Variants in TRDN observed in about 807,000 individuals in gnomAD.
The protein encoded by TRDN is triadin in skeletal muscle.
A neutral mutation model predicts 149.7 loss-of-function variants in TRDN; 161 were observed. The ratio of observed to expected loss-of-function variants is 1.08; its 90% CI spans 0.95 to 1.23. The LOEUF (loss-of-function observed/expected upper bound fraction) is 1.23. Ranked by LOEUF, TRDN falls within the 50% of genes most tolerant of loss-of-function variation. The pLI is 0.00. For synonymous variants in TRDN, 294 were observed against 250.5 expected, an observed-to-expected ratio of 1.17 and a Z score of -1.64; for missense variants, 896 against 823.5, an observed-to-expected ratio of 1.09 and a Z score of -1.08.
chr6:123,298,676 G>T (rs182051928), intron 24 of TRDN, among the ~76,000 whole-genome samples: 4 of 152,006 alleles, frequency 2.6e-5, no homozygotes, highest in South Asian at 4.1e-4. Flanking sequence ...ATATAAAATG[G>T]GGAATTTATT....
intron 1 of TRDN, among the ~76,000 whole-genome samples, chr6:123,625,650 C>T (rs1583343495): frequency 6.6e-6 from 1 of 152,070 alleles, no homozygotes. Flanking sequence ...GTCATGGATA[C>T]CCCGCTTATC....
At chr6:123,227,852 C>T (rs6940177) in intron 38 of TRDN, among the ~76,000 whole-genome samples, 8,084 of 151,892 alleles carry the variant, frequency 0.053, 639 homozygotes, top group African/African-American at 0.19. Context: ...GACTTTTATA[C>T]TGAATCTACT....
At chr6:123,528,144 T>A (rs7751763) in intron 5 of TRDN, among the ~76,000 whole-genome samples, 3 of 151,778 alleles carry the variant, frequency 2.0e-5, no homozygotes, top group Non-Finnish European at 4.4e-5. Context: ...TATAAAAGTA[T>A]CTAATTTCTT....
chr6:123,628,308 C>T (rs769562793), intron 1 of TRDN, among the ~76,000 whole-genome samples: 19 of 151,762 alleles, frequency 1.3e-4, no homozygotes, highest in Non-Finnish European at 2.4e-4. Context: ...TGTTGTGTCT[C>T]GGGGAACAGA....
intron 1 of TRDN, among the ~76,000 whole-genome samples, chr6:123,572,384 G>A (rs980989909): frequency 3.9e-5 from 6 of 151,906 alleles, no homozygotes; most frequent in African/African-American, 7.3e-5. Flanking sequence ...TATACAGAAC[G>A]TACATCTAAC....
At chr6:123,305,116 G>C (rs1010964895) in intron 24 of TRDN, among the ~76,000 whole-genome samples, 1 of 152,170 alleles carries the variant, frequency 6.6e-6, no homozygotes, top group Middle Eastern at 3.4e-3. Context: ...AGGTGCCAAG[G>C]CTTCAATTAA....
At chr6:123,553,519 G>C (rs1472648477) in intron 2 of TRDN, among the ~76,000 whole-genome samples, 1 of 152,106 alleles carries the variant, frequency 6.6e-6, no homozygotes, top group Non-Finnish European at 1.5e-5. Context: ...CAAGCACAGT[G>C]TACGTAAACT....
chr6:123,583,017 C>T (rs751755303), intron 1 of TRDN, among the ~76,000 whole-genome samples: 15 of 151,982 alleles, frequency 9.9e-5, no homozygotes, highest in South Asian at 2.1e-4. Flanking sequence ...AAAAACTAAA[C>T]GGAATAAGAG....
At chr6:123,270,946 A>G (rs1428435424) in intron 30 of TRDN, among the ~76,000 whole-genome samples, 193 bp downstream of exon 30, 1 of 151,958 alleles carries the variant, frequency 6.6e-6, no homozygotes, top group South Asian at 2.1e-4. Context: ...TTATTTTTTA[A>G]CAAAAATTAT....
At chr6:123,595,348 C>G (rs1783982637) in intron 1 of TRDN, among the ~76,000 whole-genome samples, 1 of 152,068 alleles carries the variant, frequency 6.6e-6, no homozygotes, top group Non-Finnish European at 1.5e-5. Flanking sequence ...GCAGTCATAT[C>G]CTTCTCAGAC....
intron 4 of TRDN, among the ~76,000 whole-genome samples, chr6:123,531,720 T>C (rs769258222): frequency 2.0e-5 from 3 of 152,062 alleles, no homozygotes; most frequent in Non-Finnish European, 4.4e-5. Context: ...TAAGGAAATA[T>C]CTCCAAATGA....
At chr6:123,598,184 C>T (rs1784121645) in intron 1 of TRDN, among the ~76,000 whole-genome samples, 1 of 151,970 alleles carries the variant, frequency 6.6e-6, no homozygotes, top group Admixed American at 6.6e-5. Flanking sequence ...CAGGGACTGA[C>T]CCTCCCTTCT....
chr6:123,571,753 T>C (rs1013776878), intron 1 of TRDN, among the ~76,000 whole-genome samples: 4 of 152,162 alleles, frequency 2.6e-5, no homozygotes, highest in African/African-American at 7.2e-5. Context: ...ATATGGTTTA[T>C]CTGGTTTTGA....
intron 24 of TRDN, among the ~76,000 whole-genome samples, chr6:123,285,759 A>T (rs1562245723): frequency 6.6e-6 from 1 of 152,186 alleles, no homozygotes; most frequent in Admixed American, 6.5e-5. Context: ...CAACCTACAG[A>T]GTGGGAGAAA....
intron 12 of TRDN, among the ~76,000 whole-genome samples, chr6:123,396,565 A>T (rs1439084983): frequency 4.6e-5 from 7 of 152,218 alleles, no homozygotes; most frequent in African/African-American, 1.7e-4. Context: ...CCTAGATTAA[A>T]ATGTCAGCAT....
chr6:123,529,587 A>G (rs866829980), intron 5 of TRDN, among the ~76,000 whole-genome samples: 3 of 152,184 alleles, frequency 2.0e-5, no homozygotes, highest in Middle Eastern at 6.8e-3. Context: ...TTTAATTGAT[A>G]CTTTTATTAT....
intron 24 of TRDN, among the ~76,000 whole-genome samples, chr6:123,293,039 T>C (rs1269059560): frequency 6.6e-6 from 1 of 152,116 alleles, no homozygotes; most frequent in Non-Finnish European, 1.5e-5. Context: ...CCAGTATGGG[T>C]GGGAACATAA....
intron 21 of TRDN, among the ~76,000 whole-genome samples, chr6:123,339,995 A>G (rs1780008648): frequency 6.6e-6 from 1 of 152,200 alleles, no homozygotes; most frequent in African/African-American, 2.4e-5. Flanking sequence ...CATTTTGAAA[A>G]TAATACTCAA....
chr6:123,554,053 C>A (rs1053931554), intron 2 of TRDN, among the ~76,000 whole-genome samples: 1 of 152,190 alleles, frequency 6.6e-6, no homozygotes, highest in East Asian at 1.9e-4. Context: ...ACCACGCCCT[C>A]ATAGCGAACC....
Sources: gnomAD v4.1 joint callset for allele counts (sites outside exome capture counted in the v4.1 genomes callset) on GRCh38, gnomAD v4.1.1 for gene constraint, MANE v1.5 for transcripts, NCBI Gene and HGNC (gene_info 2026-07-23, HGNC 2026-07-21) for gene names.